The following SLC2A13 variants were observed in gnomAD, a reference collection of about 807,000 sequenced individuals.
The protein encoded by SLC2A13 is solute carrier family 2 member 13.
SLC2A13 carries 32 observed loss-of-function variants against 64.4 expected under a neutral mutation model. That is an observed-to-expected ratio of 0.50 (90% confidence interval 0.37 to 0.67). The LOEUF (loss-of-function observed/expected upper bound fraction) is 0.67, where lower values mean the gene tolerates loss of function less well. SLC2A13 is among the 30% of genes least tolerant of loss of function. SLC2A13 has a pLI of 0.00. For missense variants in SLC2A13, 743 were observed against 829.2 expected (o/e 0.90, Z 1.28); for synonymous variants, 338 against 327.1 (o/e 1.03, Z -0.36).
At chr12:39,834,890 C>T (rs1413884841) in intron 6 of SLC2A13, among the ~76,000 whole-genome samples, 1 of 152,086 alleles carries the variant, frequency 6.6e-6, no homozygotes, top group Non-Finnish European at 1.5e-5. Context: ...GGGGAATCTG[C>T]TAATTGACCT....
At chr12:39,908,888 A>C (rs1421568079) in intron 4 of SLC2A13, among the ~76,000 whole-genome samples, 2 of 152,058 alleles carry the variant, frequency 1.3e-5, no homozygotes, top group Non-Finnish European at 2.9e-5. Flanking sequence ...CAGAACGGGC[A>C]CTTAGCTGGT....
chr12:40,015,622 C>G (rs1191430154), intron 3 of SLC2A13, among the ~76,000 whole-genome samples: 1 of 152,194 alleles, frequency 6.6e-6, no homozygotes, highest in African/African-American at 2.4e-5. Context: ...CCAACACTCT[C>G]CCTCCTCCAC....
chr12:39,917,161 T>C (rs963394806), intron 4 of SLC2A13, among the ~76,000 whole-genome samples: 1 of 152,094 alleles, frequency 6.6e-6, no homozygotes, highest in Non-Finnish European at 1.5e-5. Flanking sequence ...TGATAAGGAC[T>C]GCAGAGAAGC....
chr12:39,843,930 C>T (rs908446236), intron 6 of SLC2A13, among the ~76,000 whole-genome samples: 2 of 151,906 alleles, frequency 1.3e-5, no homozygotes, highest in African/African-American at 4.8e-5. Context: ...TATCAGTATG[C>T]TTTTTTCCCC....
At chr12:40,098,355 T>G (rs552945773) in intron 1 of SLC2A13, among the ~76,000 whole-genome samples, 1 of 152,200 alleles carries the variant, frequency 6.6e-6, no homozygotes, top group African/African-American at 2.4e-5. Context: ...GCTGGGGAAT[T>G]TGTGTTTAAT....
At chr12:39,978,466 G>A (rs554776294) in intron 3 of SLC2A13, among the ~76,000 whole-genome samples, 60 of 150,946 alleles carry the variant, frequency 4.0e-4, no homozygotes, top group South Asian at 1.7e-3. Context: ...GTGGGTGCGC[G>A]CACCGTGCGC....
chr12:40,076,922 A>G (rs1480821083), intron 1 of SLC2A13, among the ~76,000 whole-genome samples: 1 of 152,096 alleles, frequency 6.6e-6, no homozygotes, highest in Non-Finnish European at 1.5e-5. Flanking sequence ...AATGATGTTG[A>G]GCATTTTTTC....
intron 7 of SLC2A13, among the ~76,000 whole-genome samples, chr12:39,786,235 G>A (rs1164554869): frequency 6.6e-6 from 1 of 152,094 alleles, no homozygotes; most frequent in East Asian, 1.9e-4. Flanking sequence ...TGAATCATGG[G>A]GGCTGGTCTT....
intron 7 of SLC2A13, chr12:39,829,412 T>TC (rs1345274119): frequency 1.3e-5 from 1 of 76,378 alleles, no homozygotes; most frequent in Admixed American, 1.6e-4. Context: ...TTTTTTTTTT[T>TC]TTTCTTTTTT....
chr12:39,953,587 A>G (rs1415286305), intron 3 of SLC2A13, among the ~76,000 whole-genome samples: 2 of 152,238 alleles, frequency 1.3e-5, no homozygotes, highest in African/African-American at 4.8e-5. Flanking sequence ...TGCTCTACTT[A>G]AAACATTTCT....
intron 5 of SLC2A13, among the ~76,000 whole-genome samples, chr12:39,868,254 T>C (rs1943956946): frequency 6.6e-6 from 1 of 152,200 alleles, no homozygotes; most frequent in Admixed American, 6.5e-5. Flanking sequence ...AATACAGTAT[T>C]AGATTTTGGA....
intron 3 of SLC2A13, among the ~76,000 whole-genome samples, chr12:40,010,033 A>C (rs1223082724): frequency 6.6e-6 from 1 of 152,234 alleles, no homozygotes; most frequent in Non-Finnish European, 1.5e-5. Flanking sequence ...TGACGTGGTA[A>C]AAATCCCAGA....
intron 7 of SLC2A13, among the ~76,000 whole-genome samples, chr12:39,829,173 G>A (rs1942776186): frequency 6.6e-6 from 1 of 151,826 alleles, no homozygotes; most frequent in Admixed American, 6.6e-5. Context: ...GGATATAAAT[G>A]TTAGTTCATA....
intron 3 of SLC2A13, among the ~76,000 whole-genome samples, chr12:39,969,541 T>C (rs1946601052): frequency 6.6e-6 from 1 of 152,266 alleles, no homozygotes; most frequent in Non-Finnish European, 1.5e-5. Flanking sequence ...TGCATTTCTC[T>C]GATGGCCAGT....
intron 1 of SLC2A13, among the ~76,000 whole-genome samples, chr12:40,072,121 T>C (rs1201904408): frequency 1.3e-5 from 2 of 152,102 alleles, no homozygotes; most frequent in Non-Finnish European, 2.9e-5. Context: ...TTCATTTAGC[T>C]CTAAATTTTT....
At chr12:39,896,401 T>C (rs527502545) in intron 4 of SLC2A13, among the ~76,000 whole-genome samples, 42 of 142,536 alleles carry the variant, frequency 2.9e-4, no homozygotes, top group Non-Finnish European at 4.4e-4. Context: ...TGTATATATG[T>C]ATACATATAT....
chr12:39,901,047 C>T (rs1359137930), intron 4 of SLC2A13, among the ~76,000 whole-genome samples: 6 of 152,092 alleles, frequency 3.9e-5, no homozygotes, highest in African/African-American at 1.4e-4. Context: ...TATCTACAAC[C>T]ATCTGATCTT....
rs780013367 is a variant in SLC2A13, at chr12:39,764,812, A to C, written c.1492T>G (p.Tyr498Asp). The C allele has an allele frequency of 6.2e-7, 1 of 1,612,480 alleles. No individual in the cohort carries two copies. Among genetic ancestry groups the C allele is most frequent in the Non-Finnish European group, 8.5e-7 (1 of 1,179,182 alleles). Residue 498 changes from tyrosine to aspartate, a missense_variant, in exon 8 of 10, where the codon TAC (tyrosine) becomes GAC (aspartate). Tyr to Asp is a radical substitution (Grantham distance 160, BLOSUM62 -3). Transcript: ENST00000280871. ...KFKTEDIFWAYNFCPTPYSWT... is the reference protein window; with the variant it reads ...KFKTEDIFWADNFCPTPYSWT... ...GAGTATGGAGTAGGGCAGAAATTGT[A>C]AGCCCAAAATATATCTTCTGTTTTG...
intron 4 of SLC2A13, among the ~76,000 whole-genome samples, chr12:39,895,760 GTACACACATGTATATGCGTGTATA>G (rs1944773767): frequency 2.8e-5 from 1 of 36,094 alleles, no homozygotes; most frequent in African/African-American, 8.8e-5. Context: ...GCGTGTATAC[GTACACACATGTATATGCGTGTATA>G]CGTACACACA....
Sources: allele counts gnomAD v4.1 joint callset (sites outside exome capture counted in the v4.1 genomes callset), GRCh38; gene constraint gnomAD v4.1.1; transcripts MANE v1.5; gene names NCBI Gene and HGNC (gene_info 2026-07-23, HGNC 2026-07-21).